The following ZFP69B variants were observed in gnomAD, a reference collection of about 807,000 sequenced individuals.
The protein encoded by ZFP69B is ZFP69 zinc finger protein B.
A neutral mutation model predicts 19.7 loss-of-function variants in ZFP69B; 20 were observed. The observed-to-expected ratio is 1.02, with a 90% CI of 0.71 to 1.48. The LOEUF (loss-of-function observed/expected upper bound fraction) is 1.48, where lower values mean the gene tolerates loss of function less well. ZFP69B is among the 40% of genes most tolerant of loss of function. ZFP69B has a pLI of 0.00. For missense variants in ZFP69B, 583 were observed against 632.6 expected, an observed-to-expected ratio of 0.92 and a Z score of 0.84; for synonymous variants, 220 against 222.7, an observed-to-expected ratio of 0.99 and a Z score of 0.11.
intron 4 of ZFP69B, among the ~76,000 whole-genome samples, chr1:40,458,276 T>C (rs959797288): frequency 4.6e-5 from 7 of 152,166 alleles, no homozygotes; most frequent in African/African-American, 1.7e-4. Context: ...CACCTTAATA[T>C]CCTTTCCTCT....
rs771709718 is a variant in ZFP69B, at chr1:40,463,262, A to G, written c.1278A>G (p.Lys426=). 2 of 1,614,162 alleles carry G rather than the reference A, an allele frequency of 1.2e-6. No homozygotes were observed. The highest frequency in any genetic ancestry group is 1.7e-5 in the Admixed American group (1 of 60,026). Residue 426 remains lysine (K), a synonymous_variant, in exon 5 of 5, where the codon AAA becomes AAG. Coordinates refer to ENST00000361584, the MANE Select transcript of ZFP69B (RefSeq NM_023070.3). The part of the protein sequence containing the change: ...VKPYICNVCS[K]TFSHSTYLTQ... ...CCTATATTTGTAATGTATGTAGTAA[A>G]ACCTTCAGCCATAGTACATACCTAA... is the stretch of plus-strand genomic sequence containing the variant.
chr1:40,463,003 G>A lies in ZFP69B; in HGVS notation c.1019G>A (p.Cys340Tyr), dbSNP rs1328395411. 4 of 1,614,104 alleles carry A rather than the reference G, an allele frequency of 2.5e-6. No individual in the cohort carries two copies. The highest frequency in any genetic ancestry group is 2.5e-6 in the Non-Finnish European group (3 of 1,180,030). ...TGEKPYECKECGKTFRHPSSL... is the reference protein window; with the variant it reads ...TGEKPYECKEYGKTFRHPSSL... ...GAGAAACCCTATGAATGTAAGGAGTGTGGGAAAACCTTCAGACATCCTTCA... is the reference window on the plus strand; with the variant it reads ...GAGAAACCCTATGAATGTAAGGAGTATGGGAAAACCTTCAGACATCCTTCA... The change falls in exon 5 of 5, where the codon TGT becomes TAT. Residue 340 changes from cysteine (C) to tyrosine (Y), a missense_variant. By Grantham distance (194) the Cys-to-Tyr change is radical. Transcript: ENST00000361584.
rs1268774529 is a variant in ZFP69B at position 40,450,846 on chromosome 1, G to A, written c.-116G>A. 8.2e-7 allele frequency: 1 copy of A among 1,216,392 alleles called. No homozygotes were observed. Among genetic ancestry groups the A allele is most frequent in the Non-Finnish European group, 1.1e-6 (1 of 934,498 alleles). 75.3% of individuals were successfully genotyped at this position (1,216,392 alleles called of 1,614,324 possible). On this transcript the variant is annotated 5_prime_UTR_variant, in exon 1 of 5. Coordinates refer to ENST00000361584, the MANE Select transcript of ZFP69B (RefSeq NM_023070.3). The stretch of plus-strand genomic sequence containing the variant: ...TGAGGAGTAGGAGTCGGCGATTAAG[G>A]AGATCGGTACAATTGGGAAGCCTCC...
At chr1:40,462,342 T>A (rs1645292947) in intron 4 of ZFP69B, 79 bp from the exon 5 acceptor site, 6 of 1,325,708 alleles carry the variant, frequency 4.5e-6, no homozygotes, top group Non-Finnish European at 6.2e-6. Flanking sequence ...ATATATATTT[T>A]GTCCTTCCAT....
intron 1 of ZFP69B, among the ~76,000 whole-genome samples, chr1:40,453,934 T>A (rs1374108144): frequency 6.6e-6 from 1 of 152,182 alleles, no homozygotes; most frequent in Non-Finnish European, 1.5e-5. Flanking sequence ...TTTGCATTTT[T>A]CTTTCATGTC....
At chr1:40,461,947 C>G (rs957188352) in intron 4 of ZFP69B, among the ~76,000 whole-genome samples, 2 of 152,130 alleles carry the variant, frequency 1.3e-5, no homozygotes, top group African/African-American at 4.8e-5. Flanking sequence ...GAGGCTTGCT[C>G]TGTTGCCTAG....
rs1197747030 is a variant in ZFP69B at position 40,450,958 on chromosome 1, C to G, written c.-4C>G. The G allele has an allele frequency of 6.5e-7, 1 of 1,540,698 alleles. No homozygotes were observed. The highest frequency in any genetic ancestry group is 1.5e-5 in the African/African-American group (1 of 68,142). On this transcript the variant is annotated 5_prime_UTR_variant, in exon 1 of 5. Coordinates refer to ENST00000361584, the MANE Select transcript of ZFP69B (RefSeq NM_023070.3). ...GGTCCTCAGAAAGGAGTGCGGACGCCGTCATGCTGCAGCAGCTCCTGATCA... is the reference window on the plus strand; with the variant it reads ...GGTCCTCAGAAAGGAGTGCGGACGCGGTCATGCTGCAGCAGCTCCTGATCA...
chr1:40,456,784 T>A (rs1645237191), intron 2 of ZFP69B, among the ~76,000 whole-genome samples, 161 bp from the exon 3 acceptor site: 1 of 152,258 alleles, frequency 6.6e-6, no homozygotes, highest in African/African-American at 2.4e-5. Context: ...TTATGCATTG[T>A]TTTATAACCT....
chr1:40,454,305 G>A lies in ZFP69B; in HGVS notation c.213+17G>A, dbSNP rs1645213179. 1 of 1,540,592 alleles carries A rather than the reference G, an allele frequency of 6.5e-7. No homozygotes were observed. The highest frequency in any genetic ancestry group is 1.4e-5 in the African/African-American group (1 of 73,006). On this transcript the variant is annotated intron_variant, in intron 2 of 4. Transcript: ENST00000361584. ...GAATCCCAGGTGGGTTGGAGTTTCT[G>A]GTCACTTTCTTGACATTGTTTCTCA...
chr1:40,463,665 C>G lies in ZFP69B; in HGVS notation c.*76C>G, dbSNP rs1458125714. On this transcript the variant is annotated 3_prime_UTR_variant, in exon 5 of 5. Coordinates refer to ENST00000361584, the MANE Select transcript of ZFP69B (RefSeq NM_023070.3). ...GTGGTTCCCTGATCCCTCAAAAATC[C>G]ATTTGTTTTTGGATTTCCAAAAACG... 9 of 1,363,222 alleles carry G rather than the reference C, an allele frequency of 6.6e-6. No homozygotes were observed. The East Asian group carries it at 2.1e-4, about 33-fold the overall frequency. The allele number at this position is 1,363,222 out of a possible 1,614,324, so 84.4% of individuals were successfully genotyped here. A position where few individuals can be genotyped will look rare whatever the true frequency, so the allele number is the denominator to read the frequency against.
rs1399952195 is a variant in ZFP69B at position 40,454,193 on chromosome 1, C to G, written c.128-10C>G. 2 of 1,580,226 alleles carry G rather than the reference C, an allele frequency of 1.3e-6. No individual in the cohort carries two copies. Among genetic ancestry groups the G allele is most frequent in the Non-Finnish European group, 1.7e-6 (2 of 1,161,828 alleles). On this transcript the variant is annotated splice_polypyrimidine_tract_variant and intron_variant, in intron 1 of 4. Coordinates refer to ENST00000361584, the MANE Select transcript of ZFP69B (RefSeq NM_023070.3). ...GAGATGCAAACCTCATGGCTCTTTT[C>G]CTTCCCCAGCTCTGCTGTCTCAGGA...
intron 4 of ZFP69B, among the ~76,000 whole-genome samples, chr1:40,458,971 A>G (rs1645258836): frequency 6.6e-6 from 1 of 152,222 alleles, no homozygotes; most frequent in South Asian, 2.1e-4. Flanking sequence ...TAGAATAAGC[A>G]AAGGAGTTCA....
chr1:40,451,651 C>T (rs368329955), intron 1 of ZFP69B, among the ~76,000 whole-genome samples: 27 of 112,124 alleles, frequency 2.4e-4, no homozygotes, highest in Admixed American at 1.6e-3. Context: ...TAGAGAAAGA[C>T]GTGGGGGGGG....
rs1456219440 is a variant in ZFP69B, at chr1:40,463,249, A to G, written c.1265A>G (p.Asn422Ser). ...IHTGVKPYIC[N>S]VCSKTFSHST... is the part of the protein sequence containing the mutation. ...ACTGGTGTGAAACCCTATATTTGTA[A>G]TGTATGTAGTAAAACCTTCAGCCAT... The change falls in exon 5 of 5, where the codon AAT becomes AGT. Residue 422 changes from asparagine (N) to serine (S), a missense_variant. Physicochemically the swap from Asn to Ser is conservative, Grantham distance 46. Coordinates refer to ENST00000361584, the MANE Select transcript of ZFP69B (RefSeq NM_023070.3). The G allele has an allele frequency of 2.5e-6, 4 of 1,614,072 alleles. No individual in the cohort carries two copies. The highest frequency in any genetic ancestry group is 3.4e-6 in the Non-Finnish European group (4 of 1,180,038).
chr1:40,463,574 C>T lies in ZFP69B; in HGVS notation c.1590C>T (p.Phe530=), dbSNP rs1214648825. The T allele has an allele frequency of 1.2e-6, 2 of 1,605,992 alleles. No homozygotes were observed. Among genetic ancestry groups the T allele is most frequent in the South Asian group, 1.1e-5 (1 of 89,938 alleles). ...GCAAAACACATTTAAGAAATACCTT[C>T]AGCAATGTTGTGTGAAATATACTAA... The part of the protein sequence containing the change: ...RHCKTHLRNT[F]SNVV The change falls in exon 5 of 5, where the codon TTC becomes TTT. Residue 530 remains phenylalanine, a synonymous_variant. Transcript: ENST00000361584.
chr1:40,459,138 T>C (rs1645260072), intron 4 of ZFP69B, among the ~76,000 whole-genome samples: 1 of 152,180 alleles, frequency 6.6e-6, no homozygotes, highest in African/African-American at 2.4e-5. Context: ...GAACAGAGTT[T>C]AGGGAATAAC....
rs41268061 is a variant in ZFP69B at position 40,450,640 on chromosome 1, A to G, written c.-322A>G. The stretch of plus-strand genomic sequence containing the variant: ...GCCTCCTTAGTCCTTTGCTGATTCT[A>G]ATGTCTTCTGCTCAGCATCTGCAGG... On this transcript the variant is annotated 5_prime_UTR_variant, in exon 1 of 5. Coordinates refer to ENST00000361584, the MANE Select transcript of ZFP69B (RefSeq NM_023070.3). 3,069 of 178,852 alleles carry G rather than the reference A, an allele frequency of 0.017. 48 individuals carry two copies. Among genetic ancestry groups the G allele is most frequent in the Non-Finnish European group, 0.024 (2,085 of 85,756 alleles). The allele number at this position is 178,852 out of a possible 1,614,324, so 11.1% of individuals were successfully genotyped here.
At chr1:40,461,589 G>C (rs1338111531) in intron 4 of ZFP69B, among the ~76,000 whole-genome samples, 1 of 152,078 alleles carries the variant, frequency 6.6e-6, no homozygotes, top group Non-Finnish European at 1.5e-5. Context: ...GAGCTCAGAA[G>C]TTTGAGACCA....
chr1:40,462,561 A>G lies in ZFP69B; in HGVS notation c.577A>G (p.Asn193Asp). The G allele has an allele frequency of 6.2e-7, 1 of 1,614,160 alleles. No individual in the cohort carries two copies. Among genetic ancestry groups the G allele is most frequent in the Non-Finnish European group, 8.5e-7 (1 of 1,180,018 alleles). Residue 193 changes from asparagine to aspartate, a missense_variant, in exon 5 of 5, where the codon AAT becomes GAT. Coordinates refer to ENST00000361584, the MANE Select transcript of ZFP69B (RefSeq NM_023070.3). ...CACCTTGGGAAGAATCTCCAAATGT[A>G]ATAAGCTAGAAAGCCAACAAGAGAA... ...YSTLGRISKC[N>D]KLESQQENQR...
Sources: gnomAD v4.1 joint callset for allele counts (sites outside exome capture counted in the v4.1 genomes callset) on GRCh38, gnomAD v4.1.1 for gene constraint, MANE v1.5 for transcripts, NCBI Gene and HGNC (gene_info 2026-07-23, HGNC 2026-07-21) for gene names.